AQR: variants seen among roughly 807,000 people sequenced by gnomAD.
The protein encoded by AQR is aquarius intron-binding spliceosomal factor, also known as RNA helicase aquarius.
A neutral mutation model predicts 180.5 loss-of-function variants in AQR; 61 were observed. The ratio of observed to expected loss-of-function variants is 0.34; its 90% CI spans 0.28 to 0.42. The LOEUF (loss-of-function observed/expected upper bound fraction) is 0.42, where lower values mean the gene tolerates loss of function less well. AQR is among the 10% of genes least tolerant of loss of function. AQR has a pLI of 1.00. For missense variants in AQR, 1,281 were observed against 1,798.3 expected, an observed-to-expected ratio of 0.71 and a Z score of 5.20; for synonymous variants, 551 against 588.8, an observed-to-expected ratio of 0.94 and a Z score of 0.93.
Position 34,934,634 on chromosome 15 carries a change from T to C in AQR, c.720A>G (p.Glu240=). Residue 240 remains glutamate (E), a splice_region_variant and synonymous_variant, in exon 10 of 35, where the codon GAA becomes GAG. Transcript: ENST00000156471. The part of the protein sequence containing the change: ...ISVLKSVPLS[E]PVTMDKVHYC... ...AATGAACTTTGTCCATAGTGACAGG[T>C]TCTAGACATAAGAGAGAACGCATGA... is the stretch of plus-strand genomic sequence containing the variant. The C allele has an allele frequency of 6.3e-7, 1 of 1,578,620 alleles. No individual in the cohort carries two copies. Among genetic ancestry groups the C allele is most frequent in the Non-Finnish European group, 8.6e-7 (1 of 1,165,538 alleles).
intron 5 of AQR, among the ~76,000 whole-genome samples, chr15:34,946,920 C>G (rs865779006): frequency 6.6e-6 from 1 of 150,548 alleles, no homozygotes; most frequent in Non-Finnish European, 1.5e-5. Context: ...CCAGCCGCCC[C>G]ATCCGGGAGG....
At chr15:34,916,746 C>T (rs1893595813) in intron 15 of AQR, among the ~76,000 whole-genome samples, 1 of 151,718 alleles carries the variant, frequency 6.6e-6, no homozygotes, top group Admixed American at 6.6e-5. Context: ...GATCAAGCCT[C>T]TGCACAAGGT....
chr15:34,969,641 G>A lies in AQR; in HGVS notation c.-28C>T. 6.2e-7 allele frequency: 1 copy of A among 1,609,696 alleles called. No homozygotes were observed. The highest frequency in any genetic ancestry group is 2.2e-5 in the East Asian group (1 of 44,840). ...CAGCACTCTTCCCTCCACTCCAGTG[G>A]AAACTAAAGGACCGCTCTGGGCAGC... On this transcript the variant is annotated 5_prime_UTR_variant, in exon 1 of 35. Transcript: ENST00000156471.
chr15:34,898,734 A>G (rs1016750219), intron 20 of AQR, among the ~76,000 whole-genome samples: 3 of 151,230 alleles, frequency 2.0e-5, no homozygotes, highest in African/African-American at 7.3e-5. Flanking sequence ...AATACAAAAA[A>G]TTAGCCGGGC....
At chr15:34,963,127 G>C (rs2050289212) in intron 2 of AQR, among the ~76,000 whole-genome samples, 1 of 152,124 alleles carries the variant, frequency 6.6e-6, no homozygotes, top group Non-Finnish European at 1.5e-5. Flanking sequence ...CTACATGTGT[G>C]AGCCACTGCA....
chr15:34,943,158 A>G (rs776996802), intron 6 of AQR: 66 of 1,610,992 alleles, frequency 4.1e-5, no homozygotes, highest in Non-Finnish European at 5.5e-5. Flanking sequence ...GACACAGTAC[A>G]AGAAGGGCAA....
chr15:34,926,593 A>G (rs988703742), intron 13 of AQR, among the ~76,000 whole-genome samples: 2 of 152,256 alleles, frequency 1.3e-5, no homozygotes, highest in Non-Finnish European at 2.9e-5. Context: ...AAATAAATGT[A>G]TGCCATTATT....
chr15:34,876,387 C>T (rs1892889821), intron 27 of AQR, among the ~76,000 whole-genome samples: 1 of 152,112 alleles, frequency 6.6e-6, no homozygotes, highest in Admixed American at 6.5e-5. Flanking sequence ...TACTCTTACT[C>T]TGGTAGCATT....
intron 24 of AQR, among the ~76,000 whole-genome samples, chr15:34,887,795 T>A (rs1893084790): frequency 6.6e-6 from 1 of 152,168 alleles, no homozygotes; most frequent in Non-Finnish European, 1.5e-5. Flanking sequence ...AAGGGATGAT[T>A]AAGAACAAAA....
intron 14 of AQR, 75 bp from the exon 15 acceptor site, chr15:34,918,453 T>C: frequency 6.5e-7 from 1 of 1,529,624 alleles, no homozygotes; most frequent in Non-Finnish European, 8.8e-7. Flanking sequence ...ATGGAAGAAG[T>C]TTCATGCCTA....
At chr15:34,857,818 G>A (rs1027890147) in intron 34 of AQR, among the ~76,000 whole-genome samples, 5 of 152,096 alleles carry the variant, frequency 3.3e-5, no homozygotes, top group African/African-American at 1.2e-4. Context: ...TTAAGGCAAA[G>A]CCATGGGAGA....
chr15:34,887,759 G>A (rs1334805538), intron 24 of AQR, among the ~76,000 whole-genome samples: 1 of 152,188 alleles, frequency 6.6e-6, no homozygotes, highest in Non-Finnish European at 1.5e-5. Flanking sequence ...GCTGTCTGTA[G>A]TTCAGAGATT....
At position 34,910,001 on chromosome 15, in the gene AQR, T is replaced by C. The variant is rs76720181; in HGVS notation, c.1663+134A>G. 4.2e-3 allele frequency: 4,446 copies of C among 1,056,944 alleles called. 113 individuals are homozygous for C. The African/African-American group carries it at 0.058, about 14-fold the overall frequency. The allele number at this position is 1,056,944 out of a possible 1,614,324, so 65.5% of individuals were successfully genotyped here. On this transcript the variant is annotated intron_variant, in intron 17 of 34. Transcript: ENST00000156471. ...AATTAGAAAAAAAGTTGCTATTCTT[T>C]AAATCAAATTTCAAGGATAACGCTT...
rs1201425637 is a variant in AQR at position 34,882,643 on chromosome 15, T to C, written c.3028-4A>G. ...GCAATTCAGAGGCTCTGAATTCCTA[T>C]GGAAACGAGGAGCAATGAAAGATAA... is the stretch of plus-strand genomic sequence containing the variant. On this transcript the variant is annotated splice_region_variant and splice_polypyrimidine_tract_variant and intron_variant, in intron 26 of 34. Transcript: ENST00000156471. 6.3e-7 allele frequency: 1 copy of C among 1,595,624 alleles called. No individual in the cohort carries two copies. The highest frequency in any genetic ancestry group is 8.5e-7 in the Non-Finnish European group (1 of 1,172,422).
chr15:34,938,173 CT>C (rs1443869990), intron 9 of AQR, among the ~76,000 whole-genome samples: 1 of 152,076 alleles, frequency 6.6e-6, no homozygotes, highest in Non-Finnish European at 1.5e-5. Flanking sequence ...GGACCTGGAT[CT>C]AGTAATTAGG....
chr15:34,938,325 G>C (rs931526415), intron 9 of AQR, among the ~76,000 whole-genome samples: 3 of 152,132 alleles, frequency 2.0e-5, no homozygotes, highest in Non-Finnish European at 4.4e-5. Context: ...CTTGAGGTCA[G>C]GAGTTTGAGA....
At chr15:34,859,869 G>A (rs1254913452) in intron 34 of AQR, among the ~76,000 whole-genome samples, 173 bp downstream of exon 34, 2 of 152,112 alleles carry the variant, frequency 1.3e-5, no homozygotes, top group African/African-American at 4.8e-5. Context: ...ATTGTATGTG[G>A]AATTCTAACT....
chr15:34,938,850 A>G, intron 8 of AQR, 37 bp from the exon 9 acceptor site: 1 of 1,424,400 alleles, frequency 7.0e-7, no homozygotes, highest in Non-Finnish European at 9.8e-7. Flanking sequence ...TTATTTTTGA[A>G]GAATAGTCAT....
At chr15:34,909,402 C>G (rs1893465852) in intron 17 of AQR, among the ~76,000 whole-genome samples, 1 of 152,210 alleles carries the variant, frequency 6.6e-6, no homozygotes, top group Non-Finnish European at 1.5e-5. Flanking sequence ...TTGAACATAT[C>G]TGCCTCCAAA....
Sources: gnomAD v4.1 joint callset for allele counts (sites outside exome capture counted in the v4.1 genomes callset) on GRCh38, gnomAD v4.1.1 for gene constraint, MANE v1.5 for transcripts, NCBI Gene and HGNC (gene_info 2026-07-23, HGNC 2026-07-21) for gene names.